Variants in RBM45 observed in about 807,000 individuals in gnomAD.
The protein encoded by RBM45 is RNA-binding protein 45.
In RBM45, 39 loss-of-function variants were observed where a neutral mutation model predicts 58.5. The observed-to-expected ratio is 0.67, with a 90% CI of 0.52 to 0.87. The LOEUF (loss-of-function observed/expected upper bound fraction) is 0.87, where lower values mean the gene tolerates loss of function less well. Among genes scored for constraint, RBM45 ranks in the 40% least tolerant of loss-of-function variants. The pLI, the probability that RBM45 is intolerant of heterozygous loss-of-function variation, is 0.00. For synonymous variants in RBM45, 193 were observed against 203.0 expected, an observed-to-expected ratio of 0.95 and a Z score of 0.42; for missense variants, 481 against 581.6, an observed-to-expected ratio of 0.83 and a Z score of 1.78.
Position 178,113,441 on chromosome 2 carries a change from G to C in RBM45, c.300+595G>C, listed in dbSNP as rs192261545. On this transcript the variant is annotated intron_variant, in intron 1 of 9. Transcript: ENST00000286070. ...CATATTCTTCACATTTTGTTATTTT[G>C]GAAAATTGTTTTGAATGAGCTCTGT... Among the ~76,000 whole-genome samples the C allele has an allele frequency of 2.2e-3, 341 of 152,240 alleles. 1 individual carries two copies. Among genetic ancestry groups the C allele is most frequent in the African/African-American group, 7.5e-3 (313 of 41,546 alleles).
Position 178,116,284 on chromosome 2 carries a change from C to A in RBM45, c.323C>A (p.Ser108Ter). The A allele has an allele frequency of 6.2e-7, 1 of 1,609,350 alleles. No individual in the cohort carries two copies. The highest frequency in any genetic ancestry group is 1.1e-5 in the South Asian group (1 of 90,342). Residue 108 changes from serine to a stop codon, truncating the protein, a stop_gained, in exon 2 of 10, where the codon TCA becomes TAA. Coordinates refer to ENST00000286070, the MANE Select transcript of RBM45 (RefSeq NM_152945.4). LOFTEE classifies it high-confidence loss of function. ...PIKVFIAQSR[S>*]SGSHRDVEDE... ...TAGGTTTTCATTGCTCAGTCCCGAT[C>A]ATCTGGAAGTCACCGAGATGTTGAA...
intron 2 of RBM45, among the ~76,000 whole-genome samples, chr2:178,116,660 C>T (rs2087781087): frequency 6.6e-6 from 1 of 152,174 alleles, no homozygotes. Flanking sequence ...GCATAAAGCT[C>T]AGAAACTTTT....
In RBM45 at chr2:178,125,996, C is replaced by G; in HGVS notation, c.1245C>G (p.Asn415Lys). 1 of 1,612,982 alleles carries G rather than the reference C, an allele frequency of 6.2e-7. No homozygotes were observed. The highest frequency in any genetic ancestry group is 8.5e-7 in the Non-Finnish European group (1 of 1,179,428). ...CACTTTGTTTCAGTCGTTTTGGTAA[C>G]CTGATCGAAGTTTACCTTGTGTCAG... Reference protein sequence around the residue: ...VLEDIFCRFGNLIEVYLVSGK... With the variant: ...VLEDIFCRFGKLIEVYLVSGK... Residue 415 changes from asparagine (N) to lysine (K), a missense_variant, in exon 9 of 10, where the codon AAC (asparagine) becomes AAG (lysine). Asn to Lys is a moderately conservative substitution (Grantham distance 94). Transcript: ENST00000286070.
Position 178,123,790 on chromosome 2 carries a change from T to G in RBM45, c.984-38T>G, listed in dbSNP as rs1004503963. 4 of 1,607,914 alleles carry G rather than the reference T, an allele frequency of 2.5e-6. No individual in the cohort carries two copies. In the African/African-American group the frequency reaches 5.4e-5, roughly 22 times the overall value. ...CAAGCTACTGTTAAAAGACTGAATATTTTTAGTTTTCTGTAAATTATCAGT... is the reference window on the plus strand; with the variant it reads ...CAAGCTACTGTTAAAAGACTGAATAGTTTTAGTTTTCTGTAAATTATCAGT... On this transcript the variant is annotated intron_variant, in intron 6 of 9. Coordinates refer to ENST00000286070, the MANE Select transcript of RBM45 (RefSeq NM_152945.4).
chr2:178,114,389 CA>C (rs1265545430), intron 1 of RBM45, among the ~76,000 whole-genome samples: 1 of 152,160 alleles, frequency 6.6e-6, no homozygotes, highest in African/African-American at 2.4e-5. Context: ...ATTGATGGAC[CA>C]CCTTCCCCTG....
At chr2:178,132,580 T>TTTTGTTTGTTTG (rs138416648), downstream of RBM45, among the ~76,000 whole-genome samples, 1 of 151,784 alleles carries the variant, frequency 6.6e-6, no homozygotes, top group African/African-American at 2.4e-5. Flanking sequence ...TGCGGTTCTT[T>TTTTGTTTGTTTG]TTTGTTTGTT....
chr2:178,138,814 C>T (rs2088064822), exon 4 of RBM45: 1 of 151,658 alleles, frequency 6.6e-6, no homozygotes, highest in African/African-American at 2.4e-5. Context: ...GGATTTATAA[C>T]CCTAGGTTAA....
downstream of RBM45, among the ~76,000 whole-genome samples, chr2:178,131,538 C>G (rs899035674): frequency 6.6e-6 from 1 of 152,152 alleles, no homozygotes; most frequent in South Asian, 2.1e-4. Context: ...TAAATGATCC[C>G]GGTTTCTCCC....
At position 178,126,002 on chromosome 2, in the gene RBM45, C is replaced by T. The variant is rs769949756; in HGVS notation, c.1251C>T (p.Ile417=). Residue 417 remains isoleucine (I), a synonymous_variant, in exon 9 of 10, where the codon ATC becomes ATT. Transcript: ENST00000286070. ...EDIFCRFGNL[I]EVYLVSGKNV... is the part of the protein sequence containing the mutation. ...GTTTCAGTCGTTTTGGTAACCTGAT[C>T]GAAGTTTACCTTGTGTCAGGAAAAA... The T allele has an allele frequency of 4.3e-6, 7 of 1,612,874 alleles. No individual in the cohort carries two copies. The highest frequency in any genetic ancestry group is 5.9e-6 in the Non-Finnish European group (7 of 1,179,468).
intron 5 of RBM45, among the ~76,000 whole-genome samples, chr2:178,121,811 A>AGG (rs748424385): frequency 6.6e-6 from 1 of 152,144 alleles, no homozygotes; most frequent in Non-Finnish European, 1.5e-5. Context: ...TTTCATTCCA[A>AGG]GCATCTAAAT....
chr2:178,134,421 C>T (rs1262134392), downstream of RBM45, among the ~76,000 whole-genome samples: 3 of 152,164 alleles, frequency 2.0e-5, no homozygotes, highest in African/African-American at 7.2e-5. Flanking sequence ...CTGAATTCTT[C>T]TCCAAATTCT....
intron 9 of RBM45, among the ~76,000 whole-genome samples, chr2:178,128,928 G>A (rs530271332): frequency 2.6e-4 from 40 of 152,216 alleles, no homozygotes; most frequent in African/African-American, 8.9e-4. Context: ...GTTTTTTGGG[G>A]TAGGTGCACT....
chr2:178,124,650 CA>C (rs758102488), intron 8 of RBM45, among the ~76,000 whole-genome samples: 2 of 152,068 alleles, frequency 1.3e-5, no homozygotes, highest in Non-Finnish European at 2.9e-5. Flanking sequence ...CCCATCTCTA[CA>C]AAAAATACAA....
chr2:178,132,426 C>T (rs888144356), downstream of RBM45, among the ~76,000 whole-genome samples: 1 of 152,174 alleles, frequency 6.6e-6, no homozygotes, highest in African/African-American at 2.4e-5. Context: ...AATTGGGATC[C>T]TATTCAGTAT....
chr2:178,135,342 T>A (rs1225785028), intron 3 of RBM45, among the ~76,000 whole-genome samples: 1 of 152,160 alleles, frequency 6.6e-6, no homozygotes, highest in Non-Finnish European at 1.5e-5. Context: ...TACCTTTGGT[T>A]TATCATCACC....
chr2:178,126,493 A>AG (rs1370316862), intron 9 of RBM45, among the ~76,000 whole-genome samples: 28 of 137,414 alleles, frequency 2.0e-4, no homozygotes, highest in Non-Finnish European at 3.1e-4. Context: ...TGCTAGAATA[A>AG]GGATTGCTTT....
chr2:178,113,419 A>G (rs2087731211), intron 1 of RBM45, among the ~76,000 whole-genome samples: 1 of 152,238 alleles, frequency 6.6e-6, no homozygotes, highest in Non-Finnish European at 1.5e-5. Context: ...ACTGTTACAT[A>G]TTCTTCACAT....
intron 3 of RBM45, among the ~76,000 whole-genome samples, chr2:178,135,736 A>G (rs951024317): frequency 2.0e-5 from 3 of 152,248 alleles, no homozygotes; most frequent in South Asian, 2.1e-4. Flanking sequence ...TGGTACCCAC[A>G]TGGCCTTTTT....
chr2:178,135,047 TG>T (rs1184886217), intron 3 of RBM45, among the ~76,000 whole-genome samples: 1 of 152,206 alleles, frequency 6.6e-6, no homozygotes, highest in Admixed American at 6.5e-5. Context: ...TCCACTGTGT[TG>T]GGTTTTGGCC....
Sources: gnomAD v4.1 joint callset for allele counts (sites outside exome capture counted in the v4.1 genomes callset) on GRCh38, gnomAD v4.1.1 for gene constraint, MANE v1.5 for transcripts, NCBI Gene and HGNC (gene_info 2026-07-23, HGNC 2026-07-21) for gene names.